The following THSD4 variants were observed in gnomAD, a reference collection of about 807,000 sequenced individuals.
The protein encoded by THSD4 is thrombospondin type 1 domain containing 4.
THSD4 carries 69 observed loss-of-function variants against 119.0 expected under a neutral mutation model. The ratio of observed to expected loss-of-function variants is 0.58; its 90% CI spans 0.48 to 0.71. THSD4 has a LOEUF of 0.71. Ranked by LOEUF, THSD4 falls within the 30% of genes least tolerant of loss-of-function variation. The pLI is 0.00. For synonymous variants in THSD4, 524 were observed against 540.4 expected (o/e 0.97, Z 0.42); for missense variants, 1,393 against 1,391.1 (o/e 1.00, Z -0.02).
intron 7 of THSD4, among the ~76,000 whole-genome samples, chr15:71,567,596 A>ACCCCCC (rs149069118): frequency 3.0e-5 from 4 of 132,010 alleles, no homozygotes; most frequent in African/African-American, 5.2e-5. Context: ...GAACAAAGAC[A>ACCCCCC]CCCCCCCACA....
At chr15:71,736,399 C>T (rs1185107932) in intron 10 of THSD4, among the ~76,000 whole-genome samples, 1 of 149,388 alleles carries the variant, frequency 6.7e-6, no homozygotes, top group African/African-American at 2.5e-5. Context: ...CTGTCTCTCT[C>T]GCTCTCTGAC....
chr15:71,413,042 A>T (rs548048973), intron 7 of THSD4, among the ~76,000 whole-genome samples: 2 of 151,666 alleles, frequency 1.3e-5, no homozygotes, highest in East Asian at 3.9e-4. Context: ...ATGGAGTTTC[A>T]CTCTTGTTGC....
chr15:71,319,991 T>A (rs2140359384), intron 6 of THSD4, among the ~76,000 whole-genome samples: 1 of 152,354 alleles, frequency 6.6e-6, no homozygotes, highest in East Asian at 1.9e-4. Context: ...AAAAGGGTCA[T>A]AGAACCATTT....
At chr15:71,240,844 T>TAC (rs2044146843) in intron 4 of THSD4, among the ~76,000 whole-genome samples, 1 of 151,252 alleles carries the variant, frequency 6.6e-6, no homozygotes, top group South Asian at 2.1e-4. Flanking sequence ...CACACATATA[T>TAC]ACATATATAT....
intron 3 of THSD4, among the ~76,000 whole-genome samples, chr15:71,214,685 A>C (rs1567159619): frequency 6.6e-6 from 1 of 152,188 alleles, no homozygotes; most frequent in Non-Finnish European, 1.5e-5. Context: ...GCAGGGTGAC[A>C]CAAGGCATGT....
intron 1 of THSD4, among the ~76,000 whole-genome samples, chr15:71,103,543 C>T (rs2040262017): frequency 6.6e-6 from 1 of 152,134 alleles, no homozygotes. Flanking sequence ...TGCTCTGCCA[C>T]ACTTACCATG....
chr15:71,358,181 A>C (rs2045847292), intron 6 of THSD4, among the ~76,000 whole-genome samples: 2 of 152,192 alleles, frequency 1.3e-5, no homozygotes, highest in Non-Finnish European at 2.9e-5. Context: ...AGAGCCTCAA[A>C]GGTGTCTCTC....
At chr15:71,700,527 A>T (rs1285712318) in intron 8 of THSD4, among the ~76,000 whole-genome samples, 4 of 152,280 alleles carry the variant, frequency 2.6e-5, no homozygotes, top group Admixed American at 2.0e-4. Flanking sequence ...TTCAATTTTT[A>T]AACTCCTCAA....
chr15:71,722,227 G>C (rs1243842453), intron 8 of THSD4, among the ~76,000 whole-genome samples: 1 of 152,152 alleles, frequency 6.6e-6, no homozygotes, highest in Non-Finnish European at 1.5e-5. Context: ...AGGCCAGATG[G>C]GGGCTAGTTT....
At chr15:71,348,615 C>A (rs1186024843) in intron 6 of THSD4, 2 of 152,216 alleles carry the variant, frequency 1.3e-5, no homozygotes, top group South Asian at 2.1e-4. Context: ...AAAGAAGGGA[C>A]AACTCTCTGT....
At chr15:71,182,400 G>A (rs2043540382) in intron 3 of THSD4, among the ~76,000 whole-genome samples, 1 of 151,650 alleles carries the variant, frequency 6.6e-6, no homozygotes, top group African/African-American at 2.4e-5. Context: ...ATAAACCCAA[G>A]TTATACAGAG....
chr15:71,224,470 C>G (rs1439121170), intron 4 of THSD4, among the ~76,000 whole-genome samples: 1 of 152,232 alleles, frequency 6.6e-6, no homozygotes, highest in Non-Finnish European at 1.5e-5. Context: ...ACCACCCCGT[C>G]TCTGTCAATC....
intron 6 of THSD4, among the ~76,000 whole-genome samples, chr15:71,304,135 G>T (rs2044991181): frequency 6.6e-6 from 1 of 152,190 alleles, no homozygotes; most frequent in African/African-American, 2.4e-5. Context: ...CCACCAGGAG[G>T]TGAGCTTGCT....
intron 7 of THSD4, among the ~76,000 whole-genome samples, chr15:71,602,170 G>A (rs1356487655): frequency 2.0e-5 from 3 of 152,070 alleles, no homozygotes; most frequent in Non-Finnish European, 4.4e-5. Flanking sequence ...CTTTGTACTT[G>A]AGACACTGAA....
chr15:71,669,080 C>A (rs150517517), intron 8 of THSD4, among the ~76,000 whole-genome samples: 1 of 152,102 alleles, frequency 6.6e-6, no homozygotes, highest in East Asian at 1.9e-4. Flanking sequence ...GAAAATAAAG[C>A]AAAATTTCTC....
chr15:71,247,913 GAAATC>G (rs1567168766), intron 5 of THSD4, among the ~76,000 whole-genome samples: 31 of 152,314 alleles, frequency 2.0e-4, no homozygotes, highest in African/African-American at 6.5e-4. Context: ...AGAGGAAGGA[GAAATC>G]AAACCTCAAT....
intron 6 of THSD4, among the ~76,000 whole-genome samples, chr15:71,266,171 C>T (rs948027891): frequency 6.6e-6 from 1 of 152,226 alleles, no homozygotes; most frequent in African/African-American, 2.4e-5. Flanking sequence ...TGGGAGACAC[C>T]TCTCAGCAGG....
intron 9 of THSD4, chr15:71,729,391 T>C (rs866886787): frequency 3.3e-5 from 5 of 152,290 alleles, no homozygotes; most frequent in African/African-American, 9.6e-5. Context: ...TGATAAGACA[T>C]AAAAGCTTGA....
rs543848548 is a variant in THSD4 at position 71,711,959 on chromosome 15, G to A, written c.1358-16590G>A. 2.6e-5 allele frequency among the ~76,000 whole-genome samples: 4 copies of A among 152,220 alleles called. No homozygotes were observed. The South Asian group carries it at 8.3e-4, about 32-fold the overall frequency. On this transcript the variant is annotated intron_variant, in intron 8 of 17. Coordinates refer to ENST00000261862, the MANE Select transcript of THSD4 (RefSeq NM_024817.3). ...ATAGACAGATCCCCAACAATGCTTG[G>A]ACACTTTAGTCTTCTTCTTAAAATA... is the stretch of plus-strand genomic sequence containing the variant.
Sources: allele counts gnomAD v4.1 joint callset (sites outside exome capture counted in the v4.1 genomes callset), GRCh38; gene constraint gnomAD v4.1.1; transcripts MANE v1.5; gene names NCBI Gene and HGNC (gene_info 2026-07-23, HGNC 2026-07-21).